Variants in ACADVL observed in about 807,000 individuals in gnomAD.
The protein encoded by ACADVL is acyl-CoA dehydrogenase very long chain, also known as very long-chain acyl-CoA dehydrogenase, mitochondrial.
Under a neutral mutation model 80.4 loss-of-function variants are expected in ACADVL, and 73 were observed. The observed-to-expected ratio is 0.91, with a 90% CI of 0.75 to 1.10. ACADVL has a LOEUF of 1.10. ACADVL is among the 50% of genes least tolerant of loss of function. ACADVL has a pLI of 0.00. For synonymous variants in ACADVL, 392 were observed against 326.5 expected (o/e 1.20, Z -2.16); for missense variants, 878 against 858.9 (o/e 1.02, Z -0.28).
Position 7,224,674 on chromosome 17 carries a change from G to C in ACADVL, c.1711G>C (p.Gly571Arg), listed in dbSNP as rs398123085. The part of the protein sequence containing the change: ...EQFLLQRLAD[G>R]AIDLYAMVVV... ...GTTTCTGCTGCAGCGGCTGGCAGAC[G>C]GGGCCATCGACCTCTATGCCATGGT... Residue 571 changes from glycine to arginine, a missense_variant, in exon 18 of 20, where the codon GGG becomes CGG. Transcript: ENST00000356839. 1 of 1,555,264 alleles carries C rather than the reference G, an allele frequency of 6.4e-7. No individual in the cohort carries two copies. The highest frequency in any genetic ancestry group is 8.7e-7 in the Non-Finnish European group (1 of 1,153,108).
At chr17:7,218,953 C>T (rs908055482), upstream of ACADVL, 32 of 1,270,686 alleles carry the variant, frequency 2.5e-5, no homozygotes, top group Non-Finnish European at 3.4e-5. Context: ...GTCTCTGAGC[C>T]GACCAGCTGT....
intron 7 of ACADVL, 79 bp from the exon 8 acceptor site, chr17:7,221,873 G>A (rs1178286228): frequency 1.9e-6 from 3 of 1,610,242 alleles, no homozygotes; most frequent in Non-Finnish European, 2.5e-6. Context: ...GGAACTGCCT[G>A]CTGGAGGGAT....
chr17:7,217,306 GAA>G, upstream of ACADVL: 1 of 536,628 alleles, frequency 1.9e-6, no homozygotes, highest in Non-Finnish European at 2.5e-6. Flanking sequence ...GGGGGTTGGA[GAA>G]GGGAAGGGGA....
At chr17:7,222,521 A>C in intron 9 of ACADVL, 146 bp from the exon 10 acceptor site, 2 of 1,153,168 alleles carry the variant, frequency 1.7e-6, no homozygotes, top group Non-Finnish European at 2.5e-6. Context: ...CTTAGCCCTC[A>C]GGGCCTGAGG....
At chr17:7,219,756 T>G, upstream of ACADVL, 47 of 1,448,454 alleles carry the variant, frequency 3.2e-5, no homozygotes, top group Middle Eastern at 1.9e-4. Flanking sequence ...ACGGGCGGGA[T>G]TAAGGAGTTT....
At chr17:7,220,243 G>A in intron 2 of ACADVL, 46 bp downstream of exon 2, 2 of 1,514,550 alleles carry the variant, frequency 1.3e-6, no homozygotes, top group Non-Finnish European at 8.8e-7. Flanking sequence ...GCGGCGGTCC[G>A]CTTCGGCGCC....
At position 7,224,487 on chromosome 17, in the gene ACADVL, G is replaced by A. The variant is rs201350598; in HGVS notation, c.1613G>A (p.Arg538Gln). Residue 538 changes from arginine to glutamine, a missense_variant, in exon 17 of 20, where the codon CGG (arginine) becomes CAG (glutamine). By Grantham distance (43) the Arg-to-Gln change is conservative. Transcript: ENST00000356839. The part of the protein sequence containing the change: ...ELSRSGELAV[R>Q]ALEQFATVVE... ...CTGTCCCCATCTCTTAAGGCAGTAC[G>A]GGCTCTGGAGCAGTTTGCCACTGTG... 74 of 1,613,634 alleles carry A rather than the reference G, an allele frequency of 4.6e-5. No homozygotes were observed. Among genetic ancestry groups the A allele is most frequent in the African/African-American group, 6.7e-5 (5 of 74,892 alleles).
rs199738655 is a variant in ACADVL, at chr17:7,222,689, G to A, written c.901G>A (p.Gly301Ser). The change falls in exon 10 of 20, where the codon GGC (glycine) becomes AGC (serine). Residue 301 changes from glycine to serine, a missense_variant. Transcript: ENST00000356839. ...ITHGPPEKKM[G>S]IKASNTAEVF... Reference sequence around the variant, plus strand: ...CAGTGGGCCCCCTGAGAAGAAGATGGGCATCAAGGCTTCAAACACAGCAGA... The same window carrying A: ...CAGTGGGCCCCCTGAGAAGAAGATGAGCATCAAGGCTTCAAACACAGCAGA... 2 of 1,613,930 alleles carry A rather than the reference G, an allele frequency of 1.2e-6. No homozygotes were observed. Among genetic ancestry groups the A allele is most frequent in the East Asian group, 4.5e-5 (2 of 44,878 alleles).
chr17:7,221,836 G>T (rs1846086706), intron 7 of ACADVL, 116 bp from the exon 8 acceptor site: 1 of 1,593,052 alleles, frequency 6.3e-7, no homozygotes. Flanking sequence ...ACATGCAAAA[G>T]AACTGGATAC....
chr17:7,221,085 A>C (rs975733911), intron 6 of ACADVL, 27 bp downstream of exon 6: 7 of 1,612,488 alleles, frequency 4.3e-6, no homozygotes, highest in Non-Finnish European at 5.9e-6. Context: ...GCCACATCCC[A>C]GTATGCCATA....
In ACADVL at chr17:7,221,724, G is replaced by A. The variant is rs771962317; in HGVS notation, c.622+42G>A. ...AGAGCCAGGGATTGGGGGGCACACT[G>A]GGCTTGGCACAGATTAGGCCAGTTG... is the stretch of plus-strand genomic sequence containing the variant. On this transcript the variant is annotated intron_variant, in intron 7 of 19. Transcript: ENST00000356839. The A allele has an allele frequency of 2.5e-6, 4 of 1,613,100 alleles. No individual in the cohort carries two copies. In the East Asian group the frequency reaches 6.7e-5, roughly 27 times the overall value.
intron 6 of ACADVL, 27 bp from the exon 7 acceptor site, chr17:7,221,511 A>T (rs1567562981): frequency 6.2e-7 from 1 of 1,611,424 alleles, no homozygotes; most frequent in Non-Finnish European, 8.5e-7. Context: ...AGCCAGTGAC[A>T]ACCCCAGATT....
In ACADVL at chr17:7,224,317, T is replaced by A. The variant is rs369986567; in HGVS notation, c.1533-4T>A. On this transcript the variant is annotated splice_polypyrimidine_tract_variant and splice_region_variant and intron_variant, in intron 15 of 19. Transcript: ENST00000356839. ...TAACCAGTCATTCTCCCTCTTCCTC[T>A]CAGGCGGGCAGGGCTGGGCAGCGGC... The A allele has an allele frequency of 1.6e-4, 258 of 1,613,826 alleles. No individual in the cohort carries two copies. The Middle Eastern group carries it at 2.0e-3, about 12-fold the overall frequency.
chr17:7,220,274 C>T lies in ACADVL; in HGVS notation c.138+77C>T, dbSNP rs1272998129. 3.3e-6 allele frequency: 5 copies of T among 1,503,922 alleles called. No individual in the cohort carries two copies. The African/African-American group carries it at 5.5e-5, about 17-fold the overall frequency. 93.2% of individuals were successfully genotyped at this position (1,503,922 alleles called of 1,614,324 possible). A position where few individuals can be genotyped will look rare whatever the true frequency, so the allele number is the denominator to read the frequency against. On this transcript the variant is annotated intron_variant, in intron 2 of 19. Coordinates refer to ENST00000356839, the MANE Select transcript of ACADVL (RefSeq NM_000018.4). ...GCGCCCGCCATCGGCAGGGATCTCC[C>T]TCTTGGTGCCAGGTACCTGCCTACT...
chr17:7,222,932 C>A, intron 10 of ACADVL, 67 bp downstream of exon 10: 1 of 1,580,338 alleles, frequency 6.3e-7, no homozygotes. Flanking sequence ...TGCCATGTGT[C>A]CCTGATCACT....
chr17:7,221,954 G>C lies in ACADVL; in HGVS notation c.625G>C (p.Glu209Gln), dbSNP rs772055899. ...EKYLPKLASG[E>Q]TVAAFCLTEP... ...TAAAGTAGCTCTCTCCCCAACAGGGGAGACTGTGGCCGCTTTCTGTCTAAC... is the reference window on the plus strand; with the variant it reads ...TAAAGTAGCTCTCTCCCCAACAGGGCAGACTGTGGCCGCTTTCTGTCTAAC... Residue 209 changes from glutamate (E) to glutamine (Q), a missense_variant and splice_region_variant, in exon 8 of 20, where the codon GAG becomes CAG. Coordinates refer to ENST00000356839, the MANE Select transcript of ACADVL (RefSeq NM_000018.4). 1 of 1,614,102 alleles carries C rather than the reference G, an allele frequency of 6.2e-7. No individual in the cohort carries two copies. The highest frequency in any genetic ancestry group is 1.7e-5 in the Admixed American group (1 of 60,014).
rs769122458 is a variant in ACADVL at position 7,222,248 on chromosome 17, T to A, written c.824T>A (p.Val275Glu). 1 of 1,613,988 alleles carries A rather than the reference T, an allele frequency of 6.2e-7. No homozygotes were observed. The highest frequency in any genetic ancestry group is 2.2e-5 in the East Asian group (1 of 44,872). ...TPVTDPATGA[V>E]KEKITAFVVE... is the part of the protein sequence containing the mutation. Reference sequence around the variant, plus strand: ...GTTACAGATCCAGCCACAGGAGCCGTGAAGGAGAAGATCACAGCTTTTGTG... The same window carrying A: ...GTTACAGATCCAGCCACAGGAGCCGAGAAGGAGAAGATCACAGCTTTTGTG... Residue 275 changes from valine (V) to glutamate (E), a missense_variant, in exon 9 of 20, where the codon GTG (valine) becomes GAG (glutamate). Coordinates refer to ENST00000356839, the MANE Select transcript of ACADVL (RefSeq NM_000018.4).
chr17:7,221,790 A>G, intron 7 of ACADVL, 108 bp downstream of exon 7: 1 of 1,596,514 alleles, frequency 6.3e-7, no homozygotes, highest in South Asian at 1.1e-5. Flanking sequence ...CAGTTGGGGG[A>G]AGGTTTTGGG....
In ACADVL at chr17:7,222,240, A is replaced by G. The variant is rs2071267191; in HGVS notation, c.816A>G (p.Thr272=). The change falls in exon 9 of 20, where the codon ACA becomes ACG. Residue 272 remains threonine, a synonymous_variant. Coordinates refer to ENST00000356839, the MANE Select transcript of ACADVL (RefSeq NM_000018.4). ...FAKTPVTDPA[T]GAVKEKITAF... ...AGACACCAGTTACAGATCCAGCCAC[A>G]GGAGCCGTGAAGGAGAAGATCACAG... 2 of 1,614,128 alleles carry G rather than the reference A, an allele frequency of 1.2e-6. No homozygotes were observed. Among genetic ancestry groups the G allele is most frequent in the South Asian group, 1.1e-5 (1 of 91,084 alleles).
Sources: gnomAD v4.1 joint callset for allele counts on GRCh38, gnomAD v4.1.1 for gene constraint, MANE v1.5 for transcripts, NCBI Gene and HGNC (gene_info 2026-07-23, HGNC 2026-07-21) for gene names.